Variants in SYBU observed in about 807,000 individuals in gnomAD.
SYBU encodes GOLSYN A protein.
Under a neutral mutation model 35.9 loss-of-function variants are expected in SYBU, and 21 were observed. The observed-to-expected ratio is 0.58, with a 90% confidence interval of 0.41 to 0.84. SYBU has a LOEUF of 0.84. SYBU is among the 40% of genes least tolerant of loss of function. The pLI, the probability that SYBU is intolerant of heterozygous loss-of-function variation, is 0.00. For missense variants in SYBU, 768 were observed against 848.2 expected (o/e 0.91, Z 1.17); for synonymous variants, 319 against 324.3 (o/e 0.98, Z 0.18).
At chr8:109,578,927 C>T (rs879709925) in intron 5 of SYBU, among the ~76,000 whole-genome samples, 6 of 152,192 alleles carry the variant, frequency 3.9e-5, no homozygotes, top group Non-Finnish European at 7.4e-5. Context: ...TCTTCCTCTA[C>T]TTAACTCTCC....
chr8:109,623,634 C>T (rs1812679241), intron 2 of SYBU, among the ~76,000 whole-genome samples: 1 of 152,140 alleles, frequency 6.6e-6, no homozygotes, highest in Admixed American at 6.5e-5. Flanking sequence ...TTTCCTCTCT[C>T]TTTACATTAT....
chr8:109,575,475 T>C lies in SYBU; in HGVS notation c.1423A>G (p.Met475Val). 3 of 1,614,068 alleles carry C rather than the reference T, an allele frequency of 1.9e-6. No homozygotes were observed. The highest frequency in any genetic ancestry group is 1.7e-6 in the Non-Finnish European group (2 of 1,180,030). Residue 475 changes from methionine to valine, a missense_variant, in exon 7 of 7, where the codon ATG (methionine) becomes GTG (valine). By Grantham distance (21) the Met-to-Val change is conservative (BLOSUM62 1). Coordinates refer to ENST00000276646, the MANE Select transcript of SYBU (RefSeq NM_001099754.2). ...ACCACACTGCCCTCCTCCTGACCCA[T>C]GACTATGGGCAGCAGCTCCAGGACG... ...ANVLELLPIV[M>V]GQEEGSVVVE...
chr8:109,665,783 A>C (rs1409591763), intron 1 of SYBU, among the ~76,000 whole-genome samples: 1 of 152,238 alleles, frequency 6.6e-6, no homozygotes. Context: ...CTGCTGGTAC[A>C]GTCTCTTCAC....
chr8:109,577,970 G>A lies in SYBU; in HGVS notation c.782C>T (p.Pro261Leu). The A allele has an allele frequency of 6.2e-7, 1 of 1,613,630 alleles. No individual in the cohort carries two copies. The highest frequency in any genetic ancestry group is 1.6e-4 in the Middle Eastern group (1 of 6,062). The change falls in exon 6 of 7, where the codon CCC becomes CTC. Residue 261 changes from proline to leucine, a missense_variant. Physicochemically the swap from Pro to Leu is moderately conservative, Grantham distance 98. Coordinates refer to ENST00000276646, the MANE Select transcript of SYBU (RefSeq NM_001099754.2). ...MSCGENHGVR[P>L]PNPEQYLTPL... is the part of the protein sequence containing the mutation. ...AGTCAAATACTGCTCTGGGTTTGGG[G>A]GTCTGACACCATGATTTTCACCGCA...
chr8:109,675,852 G>A (rs553713722), intron 1 of SYBU, among the ~76,000 whole-genome samples: 27 of 152,132 alleles, frequency 1.8e-4, no homozygotes, highest in Middle Eastern at 3.4e-3. Flanking sequence ...AAAATTTCAG[G>A]CCAATATCCC....
In SYBU at chr8:109,691,049, G is replaced by A. The variant is rs892515460; in HGVS notation, c.-58+284C>T. The stretch of plus-strand genomic sequence containing the variant: ...TACATTAGCCTGGCTAATCTTGCTC[G>A]TTGCAACAAGGAGTCCAGCCCGACC... On this transcript the variant is annotated intron_variant, in intron 1 of 7. Transcript: ENST00000422135. The surrounding 1 kb of genome is among the most constrained non-coding windows in gnomAD (Gnocchi z 4.7). Among the ~76,000 whole-genome samples the A allele has an allele frequency of 2.0e-5, 3 of 152,128 alleles. No individual in the cohort carries two copies. Among genetic ancestry groups the A allele is most frequent in the African/African-American group, 7.2e-5 (3 of 41,414 alleles).
chr8:109,619,136 G>T (rs1013933415), intron 2 of SYBU, 97 bp from the exon 3 acceptor site: 5 of 849,828 alleles, frequency 5.9e-6, no homozygotes, highest in Non-Finnish European at 9.6e-6. Flanking sequence ...ACGTGCACTC[G>T]CACACGTACA....
chr8:109,596,767 T>C (rs942769433), intron 3 of SYBU, among the ~76,000 whole-genome samples: 6 of 152,198 alleles, frequency 3.9e-5, no homozygotes, highest in Non-Finnish European at 8.8e-5. Flanking sequence ...ATGAGTTGAC[T>C]TTATTCCAGT....
chr8:109,639,102 A>G (rs561851999), intron 2 of SYBU, among the ~76,000 whole-genome samples: 1 of 152,346 alleles, frequency 6.6e-6, no homozygotes, highest in East Asian at 1.9e-4. Context: ...TCACTTTGGA[A>G]ATAGTTCTAT....
chr8:109,645,913 G>A (rs1815645779), upstream of SYBU: 2 of 153,712 alleles, frequency 1.3e-5, no homozygotes, highest in Admixed American at 6.4e-5. Context: ...GTTAGGTGAG[G>A]AAAACAAACA....
intron 1 of SYBU, among the ~76,000 whole-genome samples, chr8:109,687,409 C>G (rs541158188): frequency 7.2e-5 from 11 of 152,142 alleles, no homozygotes; most frequent in Non-Finnish European, 1.2e-4. Flanking sequence ...ACAATCTCAT[C>G]TCATACAAAT....
chr8:109,581,410 A>G (rs1033386798), intron 4 of SYBU, among the ~76,000 whole-genome samples: 5 of 152,220 alleles, frequency 3.3e-5, no homozygotes, highest in African/African-American at 1.2e-4. Flanking sequence ...CAAAGAATGC[A>G]TGTGAGTACA....
intron 3 of SYBU, among the ~76,000 whole-genome samples, chr8:109,617,022 G>A (rs916562116): frequency 6.6e-5 from 10 of 152,194 alleles, no homozygotes; most frequent in African/African-American, 2.2e-4. Flanking sequence ...TGTAGTCCCA[G>A]CTACTTGGGA....
chr8:109,653,190 T>G (rs562483720), intron 1 of SYBU, among the ~76,000 whole-genome samples: 1 of 152,278 alleles, frequency 6.6e-6, no homozygotes, highest in African/African-American at 2.4e-5. Flanking sequence ...ATCTATTTTA[T>G]TTTTTAAAAA....
At chr8:109,687,866 TC>T (rs1289103023) in intron 1 of SYBU, among the ~76,000 whole-genome samples, 1 of 152,194 alleles carries the variant, frequency 6.6e-6, no homozygotes, top group Non-Finnish European at 1.5e-5. Flanking sequence ...GATAAATGGA[TC>T]TTCCCAATAA....
intron 1 of SYBU, among the ~76,000 whole-genome samples, chr8:109,657,637 A>T (rs1816404843): frequency 6.6e-6 from 1 of 152,192 alleles, no homozygotes; most frequent in African/African-American, 2.4e-5. Flanking sequence ...CATATGATAA[A>T]TATTTGGGAA....
intron 2 of SYBU, among the ~76,000 whole-genome samples, chr8:109,640,272 G>A (rs773606712): frequency 5.3e-5 from 8 of 152,114 alleles, no homozygotes; most frequent in Non-Finnish European, 1.2e-4. Context: ...AAGTGGGTCC[G>A]GGGAAGAATG....
intron 1 of SYBU, 129 bp from the exon 2 acceptor site, chr8:109,643,061 C>T (rs1259987788): frequency 1.4e-6 from 2 of 1,387,708 alleles, no homozygotes; most frequent in Non-Finnish European, 9.3e-7. Flanking sequence ...CAGAGTAGTC[C>T]TTCTTATCTC....
At chr8:109,680,330 T>C (rs1817355877) in intron 1 of SYBU, 2 of 152,230 alleles carry the variant, frequency 1.3e-5, no homozygotes, top group Admixed American at 6.5e-5. Context: ...AGTTAGCAGC[T>C]CTCTCCTGGT....
Sources: gnomAD v4.1 joint callset for allele counts (sites outside exome capture counted in the v4.1 genomes callset) on GRCh38, gnomAD v4.1.1 for gene constraint, Gnocchi (gnomAD v3.1) non-coding constraint, MANE v1.5 for transcripts, NCBI Gene and HGNC (gene_info 2026-07-23, HGNC 2026-07-21) for gene names.